AR: variants seen among roughly 807,000 people sequenced by gnomAD.
AR encodes dihydrotestosterone receptor.
Under a neutral mutation model 53.9 loss-of-function variants are expected in AR, and 8 were observed. That is an observed-to-expected ratio of 0.15 (90% CI 0.09 to 0.27). The LOEUF is 0.27. Among genes scored for constraint, AR ranks in the 10% least tolerant of loss-of-function variants. AR has a pLI of 1.00. For synonymous variants in AR, 359 were observed against 316.4 expected (o/e 1.13, Z -1.43); for missense variants, 639 against 742.5 (o/e 0.86, Z 1.62).
intron 1 of AR, among the ~76,000 whole-genome samples, chrX:67,642,732 C>A (rs1925850195): frequency 8.9e-6 from 1 of 111,774 alleles, no homozygotes; most frequent in Admixed American, 9.5e-5. Flanking sequence ...TATCCATTAT[C>A]TGATTTATAT....
intron 1 of AR, among the ~76,000 whole-genome samples, chrX:67,622,478 CT>C (rs1183853738): frequency 8.9e-6 from 1 of 112,038 alleles, no homozygotes; most frequent in Non-Finnish European, 1.9e-5. Flanking sequence ...TTAAAAAACA[CT>C]TTTGCTACTA....
At chrX:67,696,139 CT>C (rs11428245) in intron 3 of AR, 664 of 585,529 alleles carry the variant, frequency 1.1e-3, no homozygotes, top group African/African-American at 3.3e-3. Flanking sequence ...GATCTTTTTT[CT>C]TTTTTTTTTT....
chrX:67,588,201 T>C (rs1380268032), intron 1 of AR, among the ~76,000 whole-genome samples: 1 of 111,950 alleles, frequency 8.9e-6, no homozygotes, highest in Non-Finnish European at 1.9e-5. Context: ...TCATGCATTG[T>C]ACTGCTTCTT....
intron 7 of AR, 146 bp from the exon 8 acceptor site, chrX:67,723,540 C>CACACACAG: frequency 1.6e-6 from 1 of 621,753 alleles, no homozygotes; most frequent in East Asian, 3.3e-5. Flanking sequence ...CACACACACA[C>CACACACAG]GACCTCATGG....
intron 1 of AR, among the ~76,000 whole-genome samples, chrX:67,566,233 C>T (rs1231439560): frequency 1.8e-5 from 2 of 111,546 alleles, no homozygotes; most frequent in Admixed American, 9.5e-5. Flanking sequence ...TTCCTGAGTA[C>T]CAACTTTCTA....
chrX:67,723,038 T>C, intron 7 of AR, 54 bp downstream of exon 7: 1 of 1,176,039 alleles, frequency 8.5e-7, no homozygotes, highest in Non-Finnish European at 1.2e-6. Flanking sequence ...ATAGAGCCAA[T>C]GATAATATGC....
intron 1 of AR, among the ~76,000 whole-genome samples, chrX:67,630,643 A>C (rs1261622860): frequency 9.1e-6 from 1 of 110,399 alleles, no homozygotes; most frequent in Non-Finnish European, 1.9e-5. Flanking sequence ...ATTTACATTT[A>C]AAGTTAATAT....
At position 67,728,850 on chromosome X, in the gene AR, T is replaced by C; in HGVS notation, c.*5009T>C. 5.9e-6 allele frequency: 1 copy of C among 168,306 alleles called. No homozygotes were observed. Among genetic ancestry groups the C allele is most frequent in the Non-Finnish European group, 1.1e-5 (1 of 87,389 alleles). 13.9% of individuals were successfully genotyped at this position (168,306 alleles called of 1,213,427 possible). Reference sequence around the variant, plus strand: ...TAAAAAGAGTAGAGGACATGATACATTGTACTTTACTAGTTCAAGACAGAT... The same window carrying C: ...TAAAAAGAGTAGAGGACATGATACACTGTACTTTACTAGTTCAAGACAGAT... On this transcript the variant is annotated 3_prime_UTR_variant, in exon 8 of 8. Coordinates refer to ENST00000374690, the MANE Select transcript of AR (RefSeq NM_000044.6).
Position 67,725,904 on chromosome X carries a change from C to T in AR, c.*2063C>T, listed in dbSNP as rs182180000. 16 of 174,038 alleles carry T rather than the reference C, an allele frequency of 9.2e-5. No homozygotes were observed. In the East Asian group the frequency reaches 1.2e-3, roughly 13 times the overall value. The allele number at this position is 174,038 out of a possible 1,213,427, so 14.3% of individuals were successfully genotyped here. A position where few individuals can be genotyped will look rare whatever the true frequency, so the allele number is the denominator to read the frequency against. On this transcript the variant is annotated 3_prime_UTR_variant, in exon 8 of 8. Coordinates refer to ENST00000374690, the MANE Select transcript of AR (RefSeq NM_000044.6). ...GTTCTGTTGACTTCGTTCTTCAAGCCCAAGTGCAAGGGAAAATGTCCACCT... is the reference window on the plus strand; with the variant it reads ...GTTCTGTTGACTTCGTTCTTCAAGCTCAAGTGCAAGGGAAAATGTCCACCT...
intron 2 of AR, among the ~76,000 whole-genome samples, chrX:67,655,690 C>T (rs1291330984): frequency 9.0e-6 from 1 of 110,804 alleles, no homozygotes; most frequent in African/African-American, 3.3e-5. Context: ...GATACCACCC[C>T]CAAAGGCTTA....
intron 2 of AR, among the ~76,000 whole-genome samples, chrX:67,680,513 T>A (rs2075926838): frequency 8.9e-6 from 1 of 112,195 alleles, no homozygotes; most frequent in Non-Finnish European, 1.9e-5. Flanking sequence ...TTCAGTTCTT[T>A]CCTTAAATAC....
chrX:67,670,880 G>A (rs2075860664), intron 2 of AR, among the ~76,000 whole-genome samples: 4 of 110,886 alleles, frequency 3.6e-5, no homozygotes. Context: ...GTTTTAGTTT[G>A]CTGAGGATGA....
chrX:67,546,289 C>A lies in AR; in HGVS notation c.1143C>A (p.Pro381=), dbSNP rs1037339401. 8.3e-7 allele frequency: 1 copy of A among 1,204,238 alleles called. No individual in the cohort carries two copies. The highest frequency in any genetic ancestry group is 1.7e-5 in the African/African-American group (1 of 57,851). The change falls in exon 1 of 8, where the codon CCC becomes CCA. Residue 381 remains proline, a synonymous_variant. Coordinates refer to ENST00000374690, the MANE Select transcript of AR (RefSeq NM_000044.6). ...GACCGCCGCCCCCTCCGCCGCCTCC[C>A]CATCCCCACGCTCGCATCAAGCTGG... ...LAGPPPPPPP[P]HPHARIKLEN...
chrX:67,584,068 T>C (rs765079666), intron 1 of AR, among the ~76,000 whole-genome samples: 1 of 112,287 alleles, frequency 8.9e-6, no homozygotes, highest in Non-Finnish European at 1.9e-5. Flanking sequence ...TTCTCAAATA[T>C]TTACTCCATG....
chrX:67,642,173 G>T (rs1002561829), intron 1 of AR, among the ~76,000 whole-genome samples: 6 of 111,704 alleles, frequency 5.4e-5, no homozygotes, highest in Non-Finnish European at 1.9e-5. Context: ...TAGCAGTTGT[G>T]CTCTTGTGAA....
chrX:67,702,491 T>C (rs1476022495), intron 3 of AR, among the ~76,000 whole-genome samples: 2 of 112,178 alleles, frequency 1.8e-5, no homozygotes, highest in Non-Finnish European at 3.8e-5. Flanking sequence ...AGCCTGTGCC[T>C]TTGGTGGGAT....
chrX:67,664,103 G>A (rs754840002), intron 2 of AR, among the ~76,000 whole-genome samples: 4 of 111,752 alleles, frequency 3.6e-5, no homozygotes, highest in Admixed American at 1.9e-4. Flanking sequence ...ATTGTCTGAA[G>A]CCTTCTTCTC....
chrX:67,721,787 G>C (rs2147535348), intron 5 of AR, 46 bp from the exon 6 acceptor site: 2 of 1,208,468 alleles, frequency 1.7e-6, no homozygotes, highest in African/African-American at 3.5e-5. Context: ...TGGGCTTATT[G>C]TAAACTTCCC....
intron 1 of AR, among the ~76,000 whole-genome samples, chrX:67,618,347 C>T (rs1006568725): frequency 3.6e-5 from 4 of 111,484 alleles, no homozygotes; most frequent in Admixed American, 9.6e-5. Flanking sequence ...AGTTTAGCAA[C>T]GTCTTAATTT....
Sources: gnomAD v4.1 joint callset for allele counts (sites outside exome capture counted in the v4.1 genomes callset) on GRCh38, gnomAD v4.1.1 for gene constraint, MANE v1.5 for transcripts, NCBI Gene and HGNC (gene_info 2026-07-23, HGNC 2026-07-21) for gene names.